The following SLC7A5 variants were observed in gnomAD, a reference collection of about 807,000 sequenced individuals.
SLC7A5 encodes the protein large neutral amino acids transporter small subunit 1.
In SLC7A5, 23 loss-of-function variants were observed where a neutral mutation model predicts 50.2. The observed-to-expected ratio is 0.46, with a 90% CI of 0.33 to 0.65. The LOEUF (loss-of-function observed/expected upper bound fraction) is 0.65. Among genes scored for constraint, SLC7A5 ranks in the 30% least tolerant of loss-of-function variants. SLC7A5 has a pLI of 0.02. For missense variants in SLC7A5, 578 were observed against 684.4 expected (o/e 0.84, Z 1.73); for synonymous variants, 393 against 330.6 (o/e 1.19, Z -2.05).
intron 1 of SLC7A5, among the ~76,000 whole-genome samples, chr16:87,863,986 A>AATATATATATATATATAT (rs58063420): frequency 0.081 from 6,743 of 82,984 alleles, 688 homozygotes; most frequent in East Asian, 0.14. Flanking sequence ...ATCATTTAAA[A>AATATATATATATATATAT]ATATATATAT....
chr16:87,838,181 C>T (rs1567488887), intron 6 of SLC7A5, among the ~76,000 whole-genome samples: 1 of 152,210 alleles, frequency 6.6e-6, no homozygotes, highest in Non-Finnish European at 1.5e-5. Context: ...CAAGCGGCGG[C>T]CACAGGGCAT....
In SLC7A5 at chr16:87,869,316, G is replaced by A. The variant is rs771935980; in HGVS notation, c.107C>T (p.Ala36Val). The A allele has an allele frequency of 3.1e-6, 5 of 1,610,866 alleles. No individual in the cohort carries two copies. The highest frequency in any genetic ancestry group is 3.3e-5 in the Admixed American group (2 of 59,966). The change falls in exon 1 of 10, where the codon GCG becomes GTG. Residue 36 changes from alanine to valine, a missense_variant. Transcript: ENST00000261622. Reference sequence around the variant, plus strand: ...CACGCCCTCGCCCTCGCCTGCCGGCGCCGAGCCGTCCGCGCTCTTGGCGGC... The same window carrying A: ...CACGCCCTCGCCCTCGCCTGCCGGCACCGAGCCGTCCGCGCTCTTGGCGGC... Reference protein sequence around the residue: ...MLAAKSADGSAPAGEGEGVTL... With the variant: ...MLAAKSADGSVPAGEGEGVTL...
intron 1 of SLC7A5, among the ~76,000 whole-genome samples, chr16:87,863,126 T>C (rs917721873): frequency 1.3e-5 from 2 of 152,230 alleles, no homozygotes; most frequent in African/African-American, 4.8e-5. Flanking sequence ...TGCAGGCCAC[T>C]TCCCGAACAC....
intron 1 of SLC7A5, among the ~76,000 whole-genome samples, chr16:87,867,569 C>T (rs994710080): frequency 6.6e-6 from 1 of 152,136 alleles, no homozygotes; most frequent in Non-Finnish European, 1.5e-5. Context: ...CCCCTCCCCC[C>T]CAAAGTACGG....
Position 87,834,416 on chromosome 16 carries a change from A to G in SLC7A5, c.1466T>C (p.Ile489Thr). ...CTGTGGGCCAGCGAGATACTCACAG[A>G]TGCCCTGGAGGAGCCACTTGGGCTT... is the stretch of plus-strand genomic sequence containing the variant. ...KNKPKWLLQG[I>T]FSTTVLCQKL... The change falls in exon 9 of 10, where the codon ATC becomes ACC. Residue 489 changes from isoleucine (I) to threonine (T), a missense_variant and splice_region_variant. This residue lies in a region of SLC7A5 where 465 missense variants were observed against 594.6 expected (regional missense o/e 0.78). Transcript: ENST00000261622. 6.4e-7 allele frequency: 1 copy of G among 1,553,388 alleles called. No homozygotes were observed. The highest frequency in any genetic ancestry group is 8.7e-7 in the Non-Finnish European group (1 of 1,148,062).
chr16:87,860,754 C>T lies in SLC7A5; in HGVS notation c.538+8131G>A, dbSNP rs1162440533. On this transcript the variant is annotated intron_variant, in intron 1 of 9. Transcript: ENST00000261622. The surrounding 1 kb of genome is among the most constrained non-coding windows in gnomAD (Gnocchi z 4.8). ...GAGGTCAGGATGACTCAGCAGGGAT[C>T]GAGTTTGCGGGCGTCACGCTCCAAG... Among the ~76,000 whole-genome samples, 1 of 152,186 alleles carries T rather than the reference C, an allele frequency of 6.6e-6. No homozygotes were observed. The highest frequency in any genetic ancestry group is 2.1e-4 in the South Asian group (1 of 4,836).
intron 1 of SLC7A5, 53 bp downstream of exon 1, chr16:87,868,832 C>G: frequency 6.6e-7 from 1 of 1,525,602 alleles, no homozygotes. Flanking sequence ...TGCAAGGATG[C>G]AGGGACCCAG....
chr16:87,852,598 A>T lies in SLC7A5; in HGVS notation c.539-749T>A, dbSNP rs1175796471. ...CTCAGACAGGTCTCCAGACACCAGCACGTCCTCCTGGGCCCTGTAAGGCAC... is the reference window on the plus strand; with the variant it reads ...CTCAGACAGGTCTCCAGACACCAGCTCGTCCTCCTGGGCCCTGTAAGGCAC... On this transcript the variant is annotated intron_variant, in intron 1 of 9. Transcript: ENST00000261622. This position sits in a 1 kb window ranked among gnomAD's most constrained non-coding sequence, Gnocchi z 4.5. 4.0e-5 allele frequency among the ~76,000 whole-genome samples: 6 copies of T among 149,128 alleles called. No individual in the cohort carries two copies. Among genetic ancestry groups the T allele is most frequent in the African/African-American group, 1.5e-4 (6 of 40,452 alleles).
intron 1 of SLC7A5, among the ~76,000 whole-genome samples, chr16:87,856,727 T>C (rs1567499513): frequency 6.6e-6 from 1 of 152,214 alleles, no homozygotes; most frequent in African/African-American, 2.4e-5. Context: ...AGTACCTTCC[T>C]CCCTGGCCCC....
At chr16:87,854,757 G>C (rs2055293598) in intron 1 of SLC7A5, among the ~76,000 whole-genome samples, 1 of 152,262 alleles carries the variant, frequency 6.6e-6, no homozygotes, top group Non-Finnish European at 1.5e-5. Flanking sequence ...AGGCTGAGCT[G>C]GGGGCCCCTC....
At chr16:87,848,193 A>G (rs2055177235) in intron 2 of SLC7A5, among the ~76,000 whole-genome samples, 1 of 152,264 alleles carries the variant, frequency 6.6e-6, no homozygotes, top group Non-Finnish European at 1.5e-5. Context: ...GAGAAGGAAA[A>G]GAAAGTTTTT....
chr16:87,863,259 T>A (rs2055421250), intron 1 of SLC7A5, among the ~76,000 whole-genome samples: 1 of 152,110 alleles, frequency 6.6e-6, no homozygotes, highest in Non-Finnish European at 1.5e-5. Context: ...GCCCACAGCA[T>A]CTTCTGAACC....
At chr16:87,863,986 A>AAAATATATATATATATATATAT (rs376938738) in intron 1 of SLC7A5, among the ~76,000 whole-genome samples, 27 of 83,276 alleles carry the variant, frequency 3.2e-4, no homozygotes, top group East Asian at 1.3e-3. Flanking sequence ...ATCATTTAAA[A>AAAATATATATATATATATATAT]ATATATATAT....
Position 87,869,360 on chromosome 16 carries a change from C to T in SLC7A5, c.63G>A (p.Glu21=). ...LAAPAAEEKE[E]AREKMLAAKS... Reference sequence around the variant, plus strand: ...TGGCGGCCAGCATCTTCTCCCGCGCCTCTTCCTTCTCCTCGGCCGCCGGCG... The same window carrying T: ...TGGCGGCCAGCATCTTCTCCCGCGCTTCTTCCTTCTCCTCGGCCGCCGGCG... Residue 21 remains glutamate, a synonymous_variant, in exon 1 of 10, where the codon GAG becomes GAA. Coordinates refer to ENST00000261622, the MANE Select transcript of SLC7A5 (RefSeq NM_003486.7). 1.2e-6 allele frequency: 2 copies of T among 1,607,638 alleles called. No homozygotes were observed. Among genetic ancestry groups the T allele is most frequent in the South Asian group, 1.1e-5 (1 of 90,852 alleles).
rs1308794356 is a variant in SLC7A5 at position 87,853,851 on chromosome 16, A to AACTCCAG, written c.539-2009_539-2003dup. ...GGAGAGAGGCACGCTGCCACCACTGAACTCCAGACACCAGACAGGCGCTGC... is the reference window on the plus strand; with the variant it reads ...GGAGAGAGGCACGCTGCCACCACTGAACTCCAGACTCCAGACACCAGACAGGCGCTGC... On this transcript the variant is annotated intron_variant, in intron 1 of 9. Transcript: ENST00000261622. This position sits in a 1 kb window ranked among gnomAD's most constrained non-coding sequence, Gnocchi z 4.4. 1.3e-5 allele frequency: 2 copies of AACTCCAG among 152,142 alleles called. No homozygotes were observed. The highest frequency in any genetic ancestry group is 2.4e-5 in the African/African-American group (1 of 41,430). 9.4% of individuals were successfully genotyped at this position (152,142 alleles called of 1,614,324 possible).
Position 87,839,731 on chromosome 16 carries a change from G to T in SLC7A5, c.910C>A (p.Gln304Lys). The change falls in exon 5 of 10, where the codon CAG becomes AAG. Residue 304 changes from glutamine (Q) to lysine (K), a missense_variant. Coordinates refer to ENST00000261622, the MANE Select transcript of SLC7A5 (RefSeq NM_003486.7). The part of the protein sequence containing the change: ...LAYFTTLSTE[Q>K]MLSSEAVAVD... The stretch of plus-strand genomic sequence containing the variant: ...GCCACGGCCTCGGACGACAGCATCT[G>T]CTCGGTGGACAGGGTGGTGAAGTAG... The T allele has an allele frequency of 1.2e-6, 2 of 1,613,752 alleles. No homozygotes were observed. The highest frequency in any genetic ancestry group is 1.7e-6 in the Non-Finnish European group (2 of 1,179,964).
rs554478272 is a variant in SLC7A5, at chr16:87,860,885, C to T, written c.538+8000G>A. 3.9e-5 allele frequency among the ~76,000 whole-genome samples: 6 copies of T among 152,294 alleles called. No individual in the cohort carries two copies. The South Asian group carries it at 8.3e-4, about 21-fold the overall frequency. ...ACGGTCCCCACCTGGGGTGGTCTGA[C>T]GGCCAGGGATGCAGGGAGAGACGCC... is the stretch of plus-strand genomic sequence containing the variant. On this transcript the variant is annotated intron_variant, in intron 1 of 9. Transcript: ENST00000261622. The surrounding 1 kb of genome is among the most constrained non-coding windows in gnomAD (Gnocchi z 4.8).
In SLC7A5 at chr16:87,869,470, C is replaced by T. The variant is rs1363862727; in HGVS notation, c.-48G>A. ...GGGACACCCGGGAGCCGCGGCCCAGCGAGCAGTGTGCGCGCCGCCCGCCGC... is the reference window on the plus strand; with the variant it reads ...GGGACACCCGGGAGCCGCGGCCCAGTGAGCAGTGTGCGCGCCGCCCGCCGC... On this transcript the variant is annotated 5_prime_UTR_variant, in exon 1 of 10. Coordinates refer to ENST00000261622, the MANE Select transcript of SLC7A5 (RefSeq NM_003486.7). The T allele has an allele frequency of 4.0e-6, 5 of 1,244,344 alleles. No individual in the cohort carries two copies. Among genetic ancestry groups the T allele is most frequent in the African/African-American group, 1.6e-5 (1 of 62,984 alleles). 77.1% of individuals were successfully genotyped at this position (1,244,344 alleles called of 1,614,324 possible). A position where few individuals can be genotyped will look rare whatever the true frequency, so the allele number is the denominator to read the frequency against.
intron 2 of SLC7A5, among the ~76,000 whole-genome samples, chr16:87,844,613 T>A (rs11117305): frequency 6.6e-6 from 1 of 152,124 alleles, no homozygotes; most frequent in Non-Finnish European, 1.5e-5. Context: ...TGTCTCCCCA[T>A]GAACGCAGTG....
Sources: allele counts gnomAD v4.1 joint callset (sites outside exome capture counted in the v4.1 genomes callset), GRCh38; gene constraint gnomAD v4.1.1; regional missense constraint gnomAD v4.1.1; non-coding constraint Gnocchi (gnomAD v3.1); transcripts MANE v1.5; gene names NCBI Gene and HGNC (gene_info 2026-07-23, HGNC 2026-07-21).